The following COL6A1 variants were observed in gnomAD, a reference collection of about 807,000 sequenced individuals.
COL6A1 encodes the protein collagen alpha-1(VI) chain.
COL6A1 carries 80 observed loss-of-function variants against 145.6 expected under a neutral mutation model. The ratio of observed to expected loss-of-function variants is 0.55; its 90% confidence interval spans 0.46 to 0.66. The LOEUF (loss-of-function observed/expected upper bound fraction) is 0.66. Ranked by LOEUF, COL6A1 falls within the 30% of genes least tolerant of loss-of-function variation. COL6A1 has a pLI of 0.00. For missense variants in COL6A1, 1,364 were observed against 1,473.8 expected (o/e 0.93, Z 1.22); for synonymous variants, 638 against 622.8 (o/e 1.02, Z -0.36).
rs1334833248 is a variant in COL6A1, at chr21:46,002,285, G to T, written c.2134G>T (p.Asp712Tyr). The T allele has an allele frequency of 6.3e-7, 1 of 1,596,600 alleles. No homozygotes were observed. The highest frequency in any genetic ancestry group is 1.1e-5 in the South Asian group (1 of 88,958). The change falls in exon 32 of 35, where the codon GAC (aspartate) becomes TAC (tyrosine). Residue 712 changes from aspartate to tyrosine, a missense_variant. Asp to Tyr is a radical substitution (Grantham distance 160). Transcript: ENST00000361866. ...GGGGGAGGCCCTGCAGTACACGCGG[G>T]ACCAGCTGCTGCCGCCCAGCCCGAA... ...FTGEALQYTR[D>Y]QLLPPSPNNR... is the part of the protein sequence containing the mutation.
At chr21:45,995,048 G>A (rs887147237) in intron 20 of COL6A1, among the ~76,000 whole-genome samples, 2 of 152,388 alleles carry the variant, frequency 1.3e-5, no homozygotes, top group South Asian at 2.1e-4. Context: ...CCAGGGAGAT[G>A]GGAGAGGCCG....
chr21:45,994,024 G>A lies in COL6A1; in HGVS notation c.1336-143G>A. The A allele has an allele frequency of 1.2e-6, 1 of 853,064 alleles. No individual in the cohort carries two copies. The highest frequency in any genetic ancestry group is 1.9e-6 in the Non-Finnish European group (1 of 514,386). 52.8% of individuals were successfully genotyped at this position (853,064 alleles called of 1,614,324 possible). On this transcript the variant is annotated intron_variant, in intron 19 of 34. Transcript: ENST00000361866. The surrounding 1 kb of genome is among the most constrained non-coding windows in gnomAD (Gnocchi z 6.8). ...CGTGGGCCGAGGAAACGCTTGGCGAGGCCAGGAAGGGGCTGTGCGGGGAGG... is the reference window on the plus strand; with the variant it reads ...CGTGGGCCGAGGAAACGCTTGGCGAAGCCAGGAAGGGGCTGTGCGGGGAGG...
In COL6A1 at chr21:46,001,406, G is replaced by A. The variant is rs565531516; in HGVS notation, c.1956+20G>A. On this transcript the variant is annotated intron_variant, in intron 30 of 34. Coordinates refer to ENST00000361866, the MANE Select transcript of COL6A1 (RefSeq NM_001848.3). Reference sequence around the variant, plus strand: ...GTCAAGGTGAGGCCTCGCCCCGCCCGGCTTTCTCAAGCCCAGGTGCACCCC... The same window carrying A: ...GTCAAGGTGAGGCCTCGCCCCGCCCAGCTTTCTCAAGCCCAGGTGCACCCC... 1.3e-5 allele frequency: 21 copies of A among 1,606,642 alleles called. No homozygotes were observed. Among genetic ancestry groups the A allele is most frequent in the Middle Eastern group, 1.7e-4 (1 of 6,060 alleles).
chr21:45,989,158 T>C (rs1022694635), intron 9 of COL6A1, 21 bp downstream of exon 9: 14 of 1,583,174 alleles, frequency 8.8e-6, no homozygotes, highest in Non-Finnish European at 1.2e-5. Context: ...GACTGTGGGG[T>C]GGGGGCCCTA....
At position 46,000,994 on chromosome 21, in the gene COL6A1, G is replaced by T. The variant is rs990958684; in HGVS notation, c.1822+227G>T. On this transcript the variant is annotated intron_variant, in intron 29 of 34. Coordinates refer to ENST00000361866, the MANE Select transcript of COL6A1 (RefSeq NM_001848.3). ...AACTGAAATAACCAGGAGCAGGCTT[G>T]GGGGGGTCCCTGCTCCATCATTCTG... 7.1e-6 allele frequency: 5 copies of T among 706,710 alleles called. No individual in the cohort carries two copies. The African/African-American group carries it at 8.8e-5, about 13-fold the overall frequency. 43.8% of individuals were successfully genotyped at this position (706,710 alleles called of 1,614,324 possible).
At chr21:46,000,828 G>T in intron 29 of COL6A1, 61 bp downstream of exon 29, 1 of 1,596,448 alleles carries the variant, frequency 6.3e-7, no homozygotes, top group Non-Finnish European at 8.6e-7. Flanking sequence ...GCGAGGCCTG[G>T]GTCCCACACA....
At chr21:46,000,290 G>T in intron 27 of COL6A1, 41 bp from the exon 28 acceptor site, 1 of 1,613,250 alleles carries the variant, frequency 6.2e-7, no homozygotes, top group Non-Finnish European at 8.5e-7. Flanking sequence ...CGCTGGGAGG[G>T]GCTGTCTATG....
rs1228673318 is a variant in COL6A1, at chr21:46,000,621, AGGAGGCCGGGGAAGGGG to A, written c.1814-122_1814-106del. 1.9e-5 allele frequency: 27 copies of A among 1,395,768 alleles called. No homozygotes were observed. In the East Asian group the frequency reaches 2.5e-4, roughly 13 times the overall value. 86.5% of individuals were successfully genotyped at this position (1,395,768 alleles called of 1,614,324 possible). ...GGCCGGGGAGGCGGGGAGGCGGGGCAGGAGGCCGGGGAAGGGGGGAGGCCGGGGAAGGAGGGCGGCCG... is the reference window on the plus strand; with the variant it reads ...GGCCGGGGAGGCGGGGAGGCGGGGCAGGAGGCCGGGGAAGGAGGGCGGCCG... On this transcript the variant is annotated intron_variant, in intron 28 of 34. Transcript: ENST00000361866.
Position 45,998,571 on chromosome 21 carries a change from C to G in COL6A1, c.1611+138C>G, listed in dbSNP as rs941888442. The G allele has an allele frequency of 5.0e-6, 6 of 1,195,284 alleles. No homozygotes were observed. In the African/African-American group the frequency reaches 9.0e-5, roughly 18 times the overall value. 74.0% of individuals were successfully genotyped at this position (1,195,284 alleles called of 1,614,324 possible). A position where few individuals can be genotyped will look rare whatever the true frequency, so the allele number is the denominator to read the frequency against. On this transcript the variant is annotated intron_variant, in intron 24 of 34. Transcript: ENST00000361866. ...TACACAGGCACCCACGGCTGCCCCA[C>G]TGTCTGTGGCCACAGCCCCAGTTGG...
intron 9 of COL6A1, 68 bp from the exon 10 acceptor site, chr21:45,989,540 G>T (rs2077761408): frequency 6.6e-7 from 1 of 1,516,096 alleles, no homozygotes; most frequent in African/African-American, 1.4e-5. Context: ...AGGGGTGTGG[G>T]GCTGGGTGGG....
intron 29 of COL6A1, 61 bp from the exon 30 acceptor site, chr21:46,001,170 AGGAGGGGCCAGGGCGGTGGAGG>A (rs984648393): frequency 5.3e-5 from 83 of 1,555,304 alleles, no homozygotes; most frequent in African/African-American, 3.8e-4. Flanking sequence ...GTGGCAGCCA[AGGAGGGGCCAGGGCGGTGGAGG>A]GGAGGGGCCA....
intron 30 of COL6A1, among the ~76,000 whole-genome samples, 155 bp from the exon 31 acceptor site, chr21:46,001,804 CCT>C (rs1243990696): frequency 6.6e-6 from 1 of 151,356 alleles, no homozygotes; most frequent in East Asian, 1.9e-4. Flanking sequence ...GCTGTGCCAC[CCT>C]CTGTGCACCC....
Position 45,999,376 on chromosome 21 carries a change from G to A in COL6A1, c.1740+158G>A, listed in dbSNP as rs1197296984. 6.2e-6 allele frequency: 5 copies of A among 806,100 alleles called. No individual in the cohort carries two copies. In the East Asian group the frequency reaches 8.0e-5, roughly 13 times the overall value. 49.9% of individuals were successfully genotyped at this position (806,100 alleles called of 1,614,324 possible). A position where few individuals can be genotyped will look rare whatever the true frequency, so the allele number is the denominator to read the frequency against. ...GAGGCCCTGGGGGTGGGAGGTGCCG[G>A]TCACCAGGGCCAGGTGGTGGCCAGG... On this transcript the variant is annotated intron_variant, in intron 26 of 34. Coordinates refer to ENST00000361866, the MANE Select transcript of COL6A1 (RefSeq NM_001848.3).
At position 45,994,252 on chromosome 21, in the gene COL6A1, G is replaced by A; in HGVS notation, c.1398+23G>A. On this transcript the variant is annotated intron_variant, in intron 20 of 34. Coordinates refer to ENST00000361866, the MANE Select transcript of COL6A1 (RefSeq NM_001848.3). The surrounding 1 kb of genome is among the most constrained non-coding windows in gnomAD (Gnocchi z 6.8). ...CCGGTAGGAAGCGCTGTGGGGTTGGGGGGCGTTGGCCAATTTGGGTTTTGG... is the reference window on the plus strand; with the variant it reads ...CCGGTAGGAAGCGCTGTGGGGTTGGAGGGCGTTGGCCAATTTGGGTTTTGG... 1.2e-6 allele frequency: 2 copies of A among 1,603,252 alleles called. No individual in the cohort carries two copies. Among genetic ancestry groups the A allele is most frequent in the Non-Finnish European group, 1.7e-6 (2 of 1,175,416 alleles).
chr21:45,987,472 A>G, intron 6 of COL6A1, 27 bp from the exon 7 acceptor site: 1 of 1,612,582 alleles, frequency 6.2e-7, no homozygotes, highest in African/African-American at 1.3e-5. Flanking sequence ...TTTCCCACTG[A>G]CTCGTCTCCA....
chr21:45,997,145 C>T (rs1238923578), intron 20 of COL6A1, among the ~76,000 whole-genome samples: 1 of 128,870 alleles, frequency 7.8e-6, no homozygotes, highest in South Asian at 2.2e-4. Context: ...GCCGGGCGCC[C>T]ACCAAAGTCA....
chr21:46,000,121 C>T (rs992239503), intron 27 of COL6A1, among the ~76,000 whole-genome samples: 18 of 148,328 alleles, frequency 1.2e-4, no homozygotes, highest in Non-Finnish European at 2.3e-4. Context: ...ACGGGGAGAC[C>T]CATGACTGCG....
intron 3 of COL6A1, among the ~76,000 whole-genome samples, chr21:45,986,182 C>T (rs914725273): frequency 1.3e-5 from 2 of 152,180 alleles, no homozygotes; most frequent in African/African-American, 4.8e-5. Context: ...TGGGTAGACG[C>T]GGCGGGCATC....
intron 24 of COL6A1, 131 bp downstream of exon 24, chr21:45,998,564 T>C: frequency 8.0e-7 from 1 of 1,254,466 alleles, no homozygotes; most frequent in Non-Finnish European, 1.1e-6. Context: ...CACCCACGGC[T>C]GCCCCACTGT....
Sources: allele counts gnomAD v4.1 joint callset (sites outside exome capture counted in the v4.1 genomes callset), GRCh38; gene constraint gnomAD v4.1.1; non-coding constraint Gnocchi (gnomAD v3.1); transcripts MANE v1.5; gene names NCBI Gene and HGNC (gene_info 2026-07-23, HGNC 2026-07-21).